JAKMIP1: variants seen among roughly 807,000 people sequenced by gnomAD.
JAKMIP1 encodes janus kinase and microtubule interacting protein 1, also known as janus kinase and microtubule-interacting protein 1.
In JAKMIP1, 33 loss-of-function variants were observed where a neutral mutation model predicts 113.0. The observed-to-expected ratio is 0.29, with a 90% CI of 0.22 to 0.39. The LOEUF (loss-of-function observed/expected upper bound fraction) is 0.39, where lower values mean the gene tolerates loss of function less well. Ranked by LOEUF, JAKMIP1 falls within the 10% of genes least tolerant of loss-of-function variation. The pLI, the probability that JAKMIP1 is intolerant of heterozygous loss-of-function variation, is 1.00. For synonymous variants in JAKMIP1, 480 were observed against 459.9 expected, an observed-to-expected ratio of 1.04 and a Z score of -0.56; for missense variants, 813 against 1,080.5, an observed-to-expected ratio of 0.75 and a Z score of 3.47.
At position 6,040,610 on chromosome 4, in the gene JAKMIP1, CA is replaced by C; in HGVS notation, c.2175+28del. The stretch of plus-strand genomic sequence containing the variant: ...GCCTCTAATGTGGAGTCTAAGAAGC[CA>C]AAGTGTCAAACCCACTTCTGGTCCT... On this transcript the variant is annotated intron_variant, in intron 18 of 20. Transcript: ENST00000409021. This position sits in a 1 kb window ranked among gnomAD's most constrained non-coding sequence, Gnocchi z 5.8. 1 of 1,566,482 alleles carries C rather than the reference CA, an allele frequency of 6.4e-7. No individual in the cohort carries two copies. Among genetic ancestry groups the C allele is most frequent in the Non-Finnish European group, 8.8e-7 (1 of 1,138,030 alleles).
chr4:6,113,799 A>G (rs1318516243), intron 1 of JAKMIP1, among the ~76,000 whole-genome samples: 4 of 151,818 alleles, frequency 2.6e-5, no homozygotes, highest in Non-Finnish European at 5.9e-5. Context: ...GTTCTCATCT[A>G]TGTCCCCTAC....
At chr4:6,027,909 A>G (rs918044512) in intron 20 of JAKMIP1, among the ~76,000 whole-genome samples, 1 of 152,184 alleles carries the variant, frequency 6.6e-6, no homozygotes, top group African/African-American at 2.4e-5. Flanking sequence ...CATTTTACCA[A>G]CACAAGTGGT....
At chr4:6,036,978 C>A (rs904619888) in intron 18 of JAKMIP1, among the ~76,000 whole-genome samples, 2 of 111,544 alleles carry the variant, frequency 1.8e-5, no homozygotes, top group East Asian at 4.0e-4. Context: ...CAGAGGCTAA[C>A]CAGTATCCCT....
intron 8 of JAKMIP1, 112 bp downstream of exon 8, chr4:6,078,827 T>C (rs1247691602): frequency 8.7e-6 from 8 of 915,232 alleles, no homozygotes; most frequent in Non-Finnish European, 1.3e-5. Flanking sequence ...TGCAGAGATG[T>C]GTGTGTCTGC....
At chr4:6,032,405 C>A (rs1318486726) in intron 19 of JAKMIP1, among the ~76,000 whole-genome samples, 1 of 152,132 alleles carries the variant, frequency 6.6e-6, no homozygotes, top group Non-Finnish European at 1.5e-5. Context: ...CATCTGATGA[C>A]CTGGGTTCAC....
chr4:6,043,336 C>T (rs1257243742), intron 16 of JAKMIP1, among the ~76,000 whole-genome samples: 1 of 151,984 alleles, frequency 6.6e-6, no homozygotes, highest in Non-Finnish European at 1.5e-5. Flanking sequence ...TCCTTGTACT[C>T]CTTGCTTTCC....
intron 8 of JAKMIP1, among the ~76,000 whole-genome samples, chr4:6,077,804 A>C (rs1490955492): frequency 2.0e-5 from 3 of 152,056 alleles, no homozygotes; most frequent in Non-Finnish European, 4.4e-5. Context: ...GCTCTAAGCC[A>C]CTGATTTTGT....
At position 6,050,561 on chromosome 4, in the gene JAKMIP1, C is replaced by T. The variant is rs1181137750; in HGVS notation, c.1908+17G>A. 2 of 1,534,710 alleles carry T rather than the reference C, an allele frequency of 1.3e-6. No individual in the cohort carries two copies. The highest frequency in any genetic ancestry group is 2.4e-5 in the East Asian group (1 of 41,204). ...CCTTGGCTGGCATTCAGCAGAGGCA[C>T]CCCCCAGGCACGCTACCTTAACTCC... is the stretch of plus-strand genomic sequence containing the variant. On this transcript the variant is annotated intron_variant, in intron 14 of 20. Coordinates refer to ENST00000409021, the MANE Select transcript of JAKMIP1 (RefSeq NM_001099433.2). The surrounding 1 kb of genome is among the most constrained non-coding windows in gnomAD (Gnocchi z 7.4).
intron 3 of JAKMIP1, among the ~76,000 whole-genome samples, chr4:6,099,321 C>A (rs572730414): frequency 6.6e-6 from 1 of 152,270 alleles, no homozygotes; most frequent in Non-Finnish European, 1.5e-5. Context: ...TCTTTTAGTG[C>A]AAACAGATTT....
intron 16 of JAKMIP1, among the ~76,000 whole-genome samples, chr4:6,043,764 C>A (rs1714651519): frequency 6.6e-6 from 1 of 151,532 alleles, no homozygotes; most frequent in African/African-American, 2.4e-5. Flanking sequence ...GCCCCCCCAG[C>A]CAGCAAGTTC....
chr4:6,030,095 A>C (rs990370191), intron 19 of JAKMIP1, among the ~76,000 whole-genome samples: 1 of 152,202 alleles, frequency 6.6e-6, no homozygotes, highest in African/African-American at 2.4e-5. Flanking sequence ...CACAGTACAC[A>C]TTCTTAAGAG....
chr4:6,113,860 G>C (rs1715328142), intron 1 of JAKMIP1, among the ~76,000 whole-genome samples: 1 of 152,250 alleles, frequency 6.6e-6, no homozygotes, highest in South Asian at 2.1e-4. Context: ...TGCGCCTGCT[G>C]TGTCCTCCAT....
At chr4:6,163,447 G>C (rs1180425619) in intron 1 of JAKMIP1, among the ~76,000 whole-genome samples, 1 of 152,172 alleles carries the variant, frequency 6.6e-6, no homozygotes, top group East Asian at 1.9e-4. Flanking sequence ...TAAATCCTGG[G>C]TATATGCTGA....
At position 6,180,948 on chromosome 4, in the gene JAKMIP1, G is replaced by C. The variant is rs1725949340; in HGVS notation, c.-148+19305C>G. ...AATCTCCCCTTTATTAACGTGCAAA[G>C]ACCCCTTAAGAAGTCCCAGAAAAGG... is the stretch of plus-strand genomic sequence containing the variant. On this transcript the variant is annotated intron_variant, in intron 1 of 20. Transcript: ENST00000409021. This position sits in a 1 kb window ranked among gnomAD's most constrained non-coding sequence, Gnocchi z 4.5. Among the ~76,000 whole-genome samples, 2 of 151,860 alleles carry C rather than the reference G, an allele frequency of 1.3e-5. No homozygotes were observed. The highest frequency in any genetic ancestry group is 2.9e-5 in the Non-Finnish European group (2 of 67,968).
chr4:6,102,878 C>T (rs534067457), intron 3 of JAKMIP1, among the ~76,000 whole-genome samples: 163 of 151,738 alleles, frequency 1.1e-3, no homozygotes, highest in African/African-American at 3.7e-3. Flanking sequence ...GGACTACAGG[C>T]GCCCACCACT....
At chr4:6,057,879 G>A (rs1578113827) in intron 11 of JAKMIP1, among the ~76,000 whole-genome samples, 1 of 152,236 alleles carries the variant, frequency 6.6e-6, no homozygotes, top group South Asian at 2.1e-4. Context: ...AAGAAGCCAG[G>A]TGGGCCTCCC....
chr4:6,041,790 C>A (rs563512862), intron 17 of JAKMIP1, among the ~76,000 whole-genome samples: 1 of 152,296 alleles, frequency 6.6e-6, no homozygotes, highest in South Asian at 2.1e-4. Context: ...GCCAGCATTT[C>A]CATATCTGGG....
chr4:6,070,013 C>T (rs1037766667), intron 8 of JAKMIP1: 19 of 398,386 alleles, frequency 4.8e-5, no homozygotes, highest in East Asian at 3.6e-4. Flanking sequence ...AGCCAGGGAC[C>T]GCCAGAGAAC....
intron 1 of JAKMIP1, among the ~76,000 whole-genome samples, chr4:6,131,081 G>A (rs1408746341): frequency 1.4e-5 from 2 of 146,510 alleles, no homozygotes; most frequent in African/African-American, 5.0e-5. Context: ...AGGATCACCC[G>A]GGCTCAGGAG....
Sources: gnomAD v4.1 joint callset for allele counts (sites outside exome capture counted in the v4.1 genomes callset) on GRCh38, gnomAD v4.1.1 for gene constraint, Gnocchi (gnomAD v3.1) non-coding constraint, MANE v1.5 for transcripts, NCBI Gene and HGNC (gene_info 2026-07-23, HGNC 2026-07-21) for gene names.